The following APBB2 variants were observed in gnomAD, a reference collection of about 807,000 sequenced individuals.
APBB2 encodes Fe65-like 1.
APBB2 carries 38 observed loss-of-function variants against 82.5 expected under a neutral mutation model. The ratio of observed to expected loss-of-function variants is 0.46; its 90% CI spans 0.36 to 0.60. The LOEUF is 0.60. Among genes scored for constraint, APBB2 ranks in the 20% least tolerant of loss-of-function variants. APBB2 has a pLI of 0.00. For missense variants in APBB2, 772 were observed against 972.3 expected (o/e 0.79, Z 2.74); for synonymous variants, 341 against 368.2 (o/e 0.93, Z 0.85).
chr4:40,876,801 C>T (rs1265920651), intron 12 of APBB2, among the ~76,000 whole-genome samples: 1 of 152,124 alleles, frequency 6.6e-6, no homozygotes, highest in Non-Finnish European at 1.5e-5. Context: ...AAAAAATCTG[C>T]AGATATAGAG....
chr4:41,004,816 G>A (rs66481460), intron 6 of APBB2, among the ~76,000 whole-genome samples: 34,831 of 117,624 alleles, frequency 0.3, 5,597 homozygotes, highest in East Asian at 0.58. Context: ...CAGCCTGGGC[G>A]ACACAGCGAG....
rs543576856 is a variant in APBB2, at chr4:41,004,760, C to G, written c.835+8823G>C. 2.7e-3 allele frequency among the ~76,000 whole-genome samples: 361 copies of G among 132,140 alleles called. 1 individual carries two copies. Among genetic ancestry groups the G allele is most frequent in the Non-Finnish European group, 4.7e-3 (301 of 64,480 alleles). The allele number at this position is 132,140 out of a possible 152,430, so 86.7% of individuals were successfully genotyped here. A position where few individuals can be genotyped will look rare whatever the true frequency, so the allele number is the denominator to read the frequency against. On this transcript the variant is annotated intron_variant, in intron 6 of 17. Transcript: ENST00000508593. ...GCTGAGGCAGGAGAATGGCGTGAAC[C>G]TGGGAGGCGGACCTTGCAGTGAGCT...
chr4:41,106,482 T>C (rs1324465236), intron 2 of APBB2, among the ~76,000 whole-genome samples: 1 of 152,082 alleles, frequency 6.6e-6, no homozygotes, highest in African/African-American at 2.4e-5. Flanking sequence ...TTTCTTTGTT[T>C]GTTTGTTTGT....
chr4:40,950,375 T>C (rs1789765088), intron 6 of APBB2, among the ~76,000 whole-genome samples: 1 of 152,190 alleles, frequency 6.6e-6, no homozygotes, highest in Admixed American at 6.5e-5. Context: ...TCAGCAGCAC[T>C]GAAATAACCA....
intron 3 of APBB2, 117 bp from the exon 4 acceptor site, chr4:41,065,790 C>G (rs1731569430): frequency 6.7e-6 from 1 of 148,302 alleles, no homozygotes; most frequent in Non-Finnish European, 1.5e-5. Flanking sequence ...TTCCAGATAA[C>G]CATGTTTATG....
intron 3 of APBB2, among the ~76,000 whole-genome samples, chr4:41,069,292 A>ATC (rs1393735533): frequency 6.6e-6 from 1 of 152,208 alleles, no homozygotes; most frequent in African/African-American, 2.4e-5. Flanking sequence ...TCCCACTGTG[A>ATC]TCTCCTGAAC....
At chr4:40,939,360 A>G (rs1211037770) in intron 7 of APBB2, among the ~76,000 whole-genome samples, 3 of 152,192 alleles carry the variant, frequency 2.0e-5, no homozygotes, top group Non-Finnish European at 4.4e-5. Context: ...GTTAGCTCTT[A>G]GCACAGGGAC....
intron 10 of APBB2, among the ~76,000 whole-genome samples, chr4:40,894,828 C>CT (rs1225809428): frequency 6.6e-6 from 1 of 152,164 alleles, no homozygotes; most frequent in African/African-American, 2.4e-5. Flanking sequence ...GTAAGGGTGA[C>CT]TTGGCTACAG....
At chr4:40,913,611 T>C (rs950310952) in intron 10 of APBB2, among the ~76,000 whole-genome samples, 1 of 152,192 alleles carries the variant, frequency 6.6e-6, no homozygotes, top group African/African-American at 2.4e-5. Flanking sequence ...TTTGTGGACA[T>C]GTACAGGGTG....
chr4:40,893,477 A>C, intron 10 of APBB2, 66 bp from the exon 11 acceptor site: 1 of 1,441,144 alleles, frequency 6.9e-7, no homozygotes, highest in South Asian at 1.5e-5. Flanking sequence ...AGTTTACACT[A>C]CTCCCCTCCC....
At chr4:41,016,992 G>T (rs1031177413) in intron 5 of APBB2, among the ~76,000 whole-genome samples, 1 of 151,992 alleles carries the variant, frequency 6.6e-6, no homozygotes, top group Non-Finnish European at 1.5e-5. Context: ...AACCTCCTAG[G>T]CTCAAGCGAT....
chr4:40,888,485 A>C (rs984497708), intron 12 of APBB2, among the ~76,000 whole-genome samples: 93 of 135,378 alleles, frequency 6.9e-4, no homozygotes, highest in Middle Eastern at 4.9e-3. Flanking sequence ...TATGTAATGT[A>C]ACAAGCTCCA....
At chr4:41,161,485 A>C (rs962353191) in intron 1 of APBB2, among the ~76,000 whole-genome samples, 1 of 152,196 alleles carries the variant, frequency 6.6e-6, no homozygotes, top group Non-Finnish European at 1.5e-5. Flanking sequence ...AGGCACCTGC[A>C]GTGCCAGCTA....
intron 5 of APBB2, among the ~76,000 whole-genome samples, chr4:41,020,792 A>G (rs62412125): frequency 0.046 from 6,978 of 152,272 alleles, 342 homozygotes; most frequent in African/African-American, 0.12. Flanking sequence ...CTACAATCCC[A>G]AATAGACTCT....
At chr4:40,923,227 G>A (rs1009785827) in intron 10 of APBB2, among the ~76,000 whole-genome samples, 9 of 152,094 alleles carry the variant, frequency 5.9e-5, no homozygotes, top group South Asian at 2.1e-4. Context: ...CGCCCGCCTC[G>A]GCCTCCCAAA....
At chr4:41,170,299 G>A (rs1379222518) in intron 1 of APBB2, among the ~76,000 whole-genome samples, 2 of 152,140 alleles carry the variant, frequency 1.3e-5, no homozygotes, top group Non-Finnish European at 2.9e-5. Context: ...TCTTATTATA[G>A]CCATGTAATC....
intron 10 of APBB2, among the ~76,000 whole-genome samples, chr4:40,903,975 A>T (rs1376553015): frequency 1.3e-5 from 2 of 152,188 alleles, no homozygotes; most frequent in African/African-American, 4.8e-5. Flanking sequence ...ATGTACACTT[A>T]GGGTACATTT....
At chr4:41,001,209 G>A (rs915860160) in intron 6 of APBB2, among the ~76,000 whole-genome samples, 6 of 152,108 alleles carry the variant, frequency 3.9e-5, no homozygotes, top group Non-Finnish European at 7.3e-5. Flanking sequence ...ATGGAACTGG[G>A]ACATTTTCCC....
intron 6 of APBB2, among the ~76,000 whole-genome samples, chr4:41,006,190 T>G (rs934699447): frequency 1.3e-5 from 2 of 152,098 alleles, no homozygotes; most frequent in African/African-American, 4.8e-5. Context: ...TTCAGGGGGG[T>G]AAAATAAAAA....
Sources: gnomAD v4.1 joint callset for allele counts (sites outside exome capture counted in the v4.1 genomes callset) on GRCh38, gnomAD v4.1.1 for gene constraint, MANE v1.5 for transcripts, NCBI Gene and HGNC (gene_info 2026-07-23, HGNC 2026-07-21) for gene names.